The following RGS20 variants were observed in gnomAD, a reference collection of about 807,000 sequenced individuals.
RGS20 encodes gz-selective GTPase-activating protein.
In RGS20, 30 loss-of-function variants were observed where a neutral mutation model predicts 33.6. That is an observed-to-expected ratio of 0.89 (90% CI 0.67 to 1.21). The LOEUF is 1.21. RGS20 is among the 50% of genes most tolerant of loss of function. RGS20 has a pLI of 0.00. For missense variants in RGS20, 472 were observed against 502.4 expected (o/e 0.94, Z 0.58); for synonymous variants, 208 against 197.9 (o/e 1.05, Z -0.43).
At chr8:53,904,265 G>A (rs1231989812) in intron 2 of RGS20, among the ~76,000 whole-genome samples, 1 of 152,042 alleles carries the variant, frequency 6.6e-6, no homozygotes, top group Non-Finnish European at 1.5e-5. Context: ...TGAAGTAGCT[G>A]GGATTACAGG....
intron 4 of RGS20, among the ~76,000 whole-genome samples, chr8:53,948,095 GTA>G (rs1167915483): frequency 4.6e-4 from 60 of 130,226 alleles, no homozygotes; most frequent in African/African-American, 1.7e-3. Flanking sequence ...ATAAGATGTA[GTA>G]TATATATGCT....
At chr8:53,949,312 G>GTATATATT (rs1814642739) in intron 4 of RGS20, among the ~76,000 whole-genome samples, 2 of 144,104 alleles carry the variant, frequency 1.4e-5, no homozygotes, top group African/African-American at 5.1e-5. Flanking sequence ...ATAAGATACA[G>GTATATATT]TATATATATT....
intron 2 of RGS20, among the ~76,000 whole-genome samples, chr8:53,894,805 G>A (rs1812809755): frequency 6.6e-6 from 1 of 152,168 alleles, no homozygotes; most frequent in Non-Finnish European, 1.5e-5. Context: ...CATATTAAAT[G>A]TAAGATGTGA....
intron 1 of RGS20, among the ~76,000 whole-genome samples, chr8:53,860,465 ACTGT>A (rs757227329): frequency 1.3e-5 from 2 of 152,254 alleles, no homozygotes; most frequent in African/African-American, 4.8e-5. Flanking sequence ...CGTTTTTGTA[ACTGT>A]CTGTTCAAAT....
Position 53,852,059 on chromosome 8 carries a change from A to C in RGS20, c.160A>C (p.Ile54Leu), listed in dbSNP as rs1811578229. Residue 54 changes from isoleucine (I) to leucine (L), a missense_variant, in exon 1 of 6, where the codon ATC (isoleucine) becomes CTC (leucine). By Grantham distance (5) the Ile-to-Leu change is conservative (BLOSUM62 2). Coordinates refer to ENST00000297313, the MANE Select transcript of RGS20 (RefSeq NM_170587.4). The stretch of plus-strand genomic sequence containing the variant: ...AGGAGACCTCAGGGCTGTTCCTGAT[A>C]TCAAGGTAAGGTGATTTCCACAATC... The C allele has an allele frequency of 6.2e-7, 1 of 1,610,062 alleles. No homozygotes were observed. Among genetic ancestry groups the C allele is most frequent in the Non-Finnish European group, 8.5e-7 (1 of 1,177,612 alleles).
chr8:53,863,821 G>A (rs1038055836), intron 1 of RGS20, among the ~76,000 whole-genome samples: 2 of 146,854 alleles, frequency 1.4e-5, no homozygotes, highest in Non-Finnish European at 1.5e-5. Flanking sequence ...CTGCTTCCCC[G>A]GTTCAAGCAA....
chr8:53,929,969 C>T (rs974195215), intron 2 of RGS20, among the ~76,000 whole-genome samples: 1 of 152,090 alleles, frequency 6.6e-6, no homozygotes, highest in African/African-American at 2.4e-5. Flanking sequence ...CTTCCAGAAA[C>T]CTCCAACACA....
intron 2 of RGS20, 130 bp from the exon 1 acceptor site, chr8:53,880,742 A>C (rs1054461816): frequency 3.6e-5 from 23 of 644,162 alleles, no homozygotes; most frequent in Non-Finnish European, 5.0e-5. Context: ...GCCGGGGTGG[A>C]GGTCGCGCCC....
chr8:53,872,688 T>C (rs1812105401), intron 1 of RGS20, among the ~76,000 whole-genome samples: 1 of 152,164 alleles, frequency 6.6e-6, no homozygotes, highest in Non-Finnish European at 1.5e-5. Context: ...ATGTCTCTCT[T>C]ACAAGCACTT....
intron 2 of RGS20, among the ~76,000 whole-genome samples, chr8:53,935,205 G>A (rs1484024962): frequency 6.6e-6 from 1 of 152,070 alleles, no homozygotes; most frequent in Non-Finnish European, 1.5e-5. Context: ...AAGAACTAGA[G>A]AAGTGAGAGC....
intron 3 of RGS20, 114 bp downstream of exon 2, chr8:53,939,838 G>T (rs1016034795): frequency 7.8e-7 from 1 of 1,275,756 alleles, no homozygotes; most frequent in African/African-American, 1.5e-5. Context: ...TTCAATAAGT[G>T]TTTTTTAAGC....
rs117199138 is a variant in RGS20 at position 53,943,717 on chromosome 8, G to A, written c.660-2948G>A. ...ATAAGTTTGCATTATTTAGTTTGCA[G>A]TACAGCTTCTGGTTCTCTGAGGAAC... On this transcript the variant is annotated intron_variant, in intron 3 of 5. Coordinates refer to ENST00000297313, the MANE Select transcript of RGS20 (RefSeq NM_170587.4). Among the ~76,000 whole-genome samples the A allele has an allele frequency of 8.9e-5, 13 of 146,834 alleles. No homozygotes were observed. In the East Asian group the frequency reaches 2.2e-3, roughly 25 times the overall value.
intron 2 of RGS20, among the ~76,000 whole-genome samples, chr8:53,912,922 A>C (rs930158104): frequency 3.3e-5 from 5 of 152,060 alleles, no homozygotes; most frequent in African/African-American, 1.2e-4. Flanking sequence ...TATCATTATG[A>C]ATTCATAGTT....
intron 2 of RGS20, among the ~76,000 whole-genome samples, chr8:53,934,909 T>G (rs1814085019): frequency 6.6e-6 from 1 of 151,924 alleles, no homozygotes. Context: ...CAACAAACAG[T>G]CTCTCAGGCC....
At chr8:53,902,945 C>T (rs975940920) in intron 2 of RGS20, among the ~76,000 whole-genome samples, 6 of 152,114 alleles carry the variant, frequency 3.9e-5, no homozygotes, top group African/African-American at 9.7e-5. Context: ...AGGCTGGGCT[C>T]GAACTTCTGA....
intron 3 of RGS20, 182 bp from the exon 3 acceptor site, chr8:53,946,483 T>C: frequency 1.4e-6 from 1 of 690,904 alleles, no homozygotes; most frequent in Non-Finnish European, 2.6e-6. Flanking sequence ...TTTATATTTC[T>C]AGTACCTTAT....
At chr8:53,885,871 A>G (rs889106646) in intron 2 of RGS20, among the ~76,000 whole-genome samples, 7 of 143,536 alleles carry the variant, frequency 4.9e-5, no homozygotes, top group Non-Finnish European at 1.0e-4. Context: ...ATCTTGGGAT[A>G]CTTACTACAT....
At chr8:53,958,241 A>G (rs1404708110) in intron 5 of RGS20, 29 bp from the exon 5 acceptor site, 2 of 1,556,974 alleles carry the variant, frequency 1.3e-6, no homozygotes, top group Non-Finnish European at 1.7e-6. Context: ...GAAGTCTCTA[A>G]TACAGCTCCT....
chr8:53,929,591 C>T (rs1273390965), intron 2 of RGS20, among the ~76,000 whole-genome samples: 2 of 152,174 alleles, frequency 1.3e-5, no homozygotes, highest in Non-Finnish European at 2.9e-5. Flanking sequence ...TTGCTTGAAC[C>T]CAAAAGGTGG....
Sources: gnomAD v4.1 joint callset for allele counts (sites outside exome capture counted in the v4.1 genomes callset) on GRCh38, gnomAD v4.1.1 for gene constraint, MANE v1.5 for transcripts, NCBI Gene and HGNC (gene_info 2026-07-23, HGNC 2026-07-21) for gene names.